The following TIMD4 variants were observed in gnomAD, a reference collection of about 807,000 sequenced individuals.
The protein encoded by TIMD4 is T cell immunoglobulin and mucin domain containing 4, also known as T-cell immunoglobulin and mucin domain-containing protein 4.
TIMD4 carries 31 observed loss-of-function variants against 41.2 expected under a neutral mutation model. The ratio of observed to expected loss-of-function variants is 0.75; its 90% CI spans 0.57 to 1.01. The LOEUF is 1.01. TIMD4 is among the 50% of genes least tolerant of loss of function. The pLI is 0.00. For synonymous variants in TIMD4, 204 were observed against 177.1 expected (o/e 1.15, Z -1.21); for missense variants, 479 against 472.5 (o/e 1.01, Z -0.13).
At position 156,957,996 on chromosome 5, in the gene TIMD4, G is replaced by A. The variant is rs535906273; in HGVS notation, c.59-3240C>T. Among the ~76,000 whole-genome samples, 10 of 151,992 alleles carry A rather than the reference G, an allele frequency of 6.6e-5. No individual in the cohort carries two copies. The East Asian group carries it at 7.7e-4, about 12-fold the overall frequency. On this transcript the variant is annotated intron_variant, in intron 1 of 8. Coordinates refer to ENST00000274532, the MANE Select transcript of TIMD4 (RefSeq NM_138379.3). ...TTGCTAAATAAGAAAAGATCTGGCC[G>A]GGCGCGGTGGCTCACACCTGTAATC...
intron 3 of TIMD4, 129 bp downstream of exon 3, chr5:156,951,383 G>T: frequency 1.7e-6 from 2 of 1,172,144 alleles, no homozygotes; most frequent in Non-Finnish European, 1.2e-6. Flanking sequence ...TGTTTGATAG[G>T]CCTAGCAGAC....
At chr5:156,938,578 C>T (rs1759582130) in intron 5 of TIMD4, among the ~76,000 whole-genome samples, 1 of 152,058 alleles carries the variant, frequency 6.6e-6, no homozygotes, top group Non-Finnish European at 1.5e-5. Context: ...CTCTCCTCAC[C>T]CTCTTCTCTC....
At chr5:156,949,043 C>A (rs552869181) in intron 4 of TIMD4, among the ~76,000 whole-genome samples, 1 of 152,204 alleles carries the variant, frequency 6.6e-6, no homozygotes, top group Admixed American at 6.5e-5. Flanking sequence ...GGGCAGGGAC[C>A]CCCAGCAAAA....
chr5:156,942,101 C>T (rs2113369627), intron 5 of TIMD4, among the ~76,000 whole-genome samples: 1 of 152,336 alleles, frequency 6.6e-6, no homozygotes, highest in Admixed American at 6.5e-5. Context: ...GAGCAATCTT[C>T]ATTTTTCCCA....
At chr5:156,931,227 G>A (rs1426283646) in intron 5 of TIMD4, among the ~76,000 whole-genome samples, 1 of 152,160 alleles carries the variant, frequency 6.6e-6, no homozygotes, top group Non-Finnish European at 1.5e-5. Flanking sequence ...CTTGATTTTA[G>A]AGCTTCTACC....
intron 3 of TIMD4, among the ~76,000 whole-genome samples, chr5:156,949,971 C>T (rs1318576120): frequency 6.6e-6 from 1 of 152,150 alleles, no homozygotes; most frequent in East Asian, 1.9e-4. Flanking sequence ...GTACCCGCCA[C>T]CATGCCTGGC....
intron 7 of TIMD4, among the ~76,000 whole-genome samples, chr5:156,921,679 G>A (rs575493926): frequency 3.8e-4 from 55 of 146,314 alleles, no homozygotes; most frequent in African/African-American, 1.2e-3. Context: ...CATGGTCTTC[G>A]TCCTGCAACA....
In TIMD4 at chr5:156,951,716, G is replaced by A. The variant is rs1759861363; in HGVS notation, c.475C>T (p.Gln159Ter). ...AGTGCAGCTGGGGTTGTTGTCATTT[G>A]TCGGGTGGTGGTGGGGCTTGTTGTT... is the stretch of plus-strand genomic sequence containing the variant. ...TTTTSPTTTRQMTTTPAALPT... is the reference protein window; with the variant it reads ...TTTTSPTTTR The change falls in exon 3 of 9, where the codon CAA (glutamine) becomes TAA (stop). Residue 159 changes from glutamine (Q) to a stop codon, truncating the protein, a stop_gained. Transcript: ENST00000274532. LOFTEE classifies it high-confidence loss of function. 1 of 1,614,160 alleles carries A rather than the reference G, an allele frequency of 6.2e-7. No homozygotes were observed. The highest frequency in any genetic ancestry group is 8.5e-7 in the Non-Finnish European group (1 of 1,180,042).
rs183035077 is a variant in TIMD4, at chr5:156,950,787, C to T, written c.679+725G>A. Among the ~76,000 whole-genome samples, 13 of 152,292 alleles carry T rather than the reference C, an allele frequency of 8.5e-5. No individual in the cohort carries two copies. In the East Asian group the frequency reaches 2.5e-3, roughly 29 times the overall value. On this transcript the variant is annotated intron_variant, in intron 3 of 8. Coordinates refer to ENST00000274532, the MANE Select transcript of TIMD4 (RefSeq NM_138379.3). Reference sequence around the variant, plus strand: ...GTCTGGAGGTCTTTCCTCAACCAATCTCTAATGCTCAGGCAGCGACTTAAC... The same window carrying T: ...GTCTGGAGGTCTTTCCTCAACCAATTTCTAATGCTCAGGCAGCGACTTAAC...
At chr5:156,923,143 A>ATTTT (rs375276732) in intron 6 of TIMD4, among the ~76,000 whole-genome samples, 3 of 135,044 alleles carry the variant, frequency 2.2e-5, no homozygotes, top group Non-Finnish European at 3.2e-5. Context: ...CTGGGATTAA[A>ATTTT]TTTTTTTTTT....
intron 5 of TIMD4, among the ~76,000 whole-genome samples, chr5:156,929,355 C>A (rs1759406924): frequency 6.6e-6 from 1 of 152,156 alleles, no homozygotes; most frequent in Non-Finnish European, 1.5e-5. Flanking sequence ...TAATGAGTAG[C>A]ATAGTATCAC....
At chr5:156,921,128 G>A (rs141857268) in intron 7 of TIMD4, among the ~76,000 whole-genome samples, 21 of 151,350 alleles carry the variant, frequency 1.4e-4, no homozygotes, top group South Asian at 2.1e-4. Flanking sequence ...TTTTGGGGGC[G>A]GGGGGCAGGG....
intron 5 of TIMD4, among the ~76,000 whole-genome samples, chr5:156,939,265 TTATAA>T (rs1395564521): frequency 2.6e-5 from 4 of 152,204 alleles, no homozygotes; most frequent in African/African-American, 9.7e-5. Flanking sequence ...ATCGTGGACC[TTATAA>T]TAGAATCTGC....
At position 156,923,249 on chromosome 5, in the gene TIMD4, A is replaced by G. The variant is rs373884092; in HGVS notation, c.895-1033T>C. Among the ~76,000 whole-genome samples the G allele has an allele frequency of 1.4e-4, 21 of 151,392 alleles. No homozygotes were observed. The East Asian group carries it at 4.1e-3, about 30-fold the overall frequency. On this transcript the variant is annotated intron_variant, in intron 6 of 8. Coordinates refer to ENST00000274532, the MANE Select transcript of TIMD4 (RefSeq NM_138379.3). ...CTGCAACCTCTGCCTCCCGAGTTCA[A>G]GCAATTCTCCTGCCTCAACCTCCCA... is the stretch of plus-strand genomic sequence containing the variant.
At chr5:156,923,718 T>A (rs867087750) in intron 6 of TIMD4, among the ~76,000 whole-genome samples, 1 of 147,364 alleles carries the variant, frequency 6.8e-6, no homozygotes, top group South Asian at 2.2e-4. Context: ...TTTTTTTTTT[T>A]AATTTTGTGT....
intron 6 of TIMD4, chr5:156,924,313 A>G (rs988822214): frequency 2.9e-5 from 10 of 343,872 alleles, no homozygotes; most frequent in African/African-American, 2.2e-4. Context: ...AGCATCTCTC[A>G]GCTTTGACAT....
intron 5 of TIMD4, among the ~76,000 whole-genome samples, chr5:156,946,721 G>A (rs899306936): frequency 3.3e-5 from 5 of 151,028 alleles, no homozygotes; most frequent in South Asian, 2.1e-4. Flanking sequence ...TCCTGACCTC[G>A]TGATCCGCCT....
chr5:156,920,341 C>A (rs73291360), intron 8 of TIMD4, 123 bp downstream of exon 8: 3 of 1,112,404 alleles, frequency 2.7e-6, no homozygotes, highest in Non-Finnish European at 4.0e-6. Context: ...TCTAATGTCA[C>A]ATCTTTCCAA....
chr5:156,931,326 A>C (rs1561545966), intron 5 of TIMD4, among the ~76,000 whole-genome samples: 1 of 152,206 alleles, frequency 6.6e-6, no homozygotes, highest in East Asian at 1.9e-4. Flanking sequence ...TAATACAGAG[A>C]CAGTGGTTCC....
Sources: gnomAD v4.1 joint callset for allele counts (sites outside exome capture counted in the v4.1 genomes callset) on GRCh38, gnomAD v4.1.1 for gene constraint, MANE v1.5 for transcripts, NCBI Gene and HGNC (gene_info 2026-07-23, HGNC 2026-07-21) for gene names.